GBP6: variants seen among roughly 807,000 people sequenced by gnomAD.
GBP6 encodes the protein guanylate-binding protein 6.
Under a neutral mutation model 61.5 loss-of-function variants are expected in GBP6, and 54 were observed. That is an observed-to-expected ratio of 0.88 (90% CI 0.71 to 1.10). GBP6 has a LOEUF of 1.10. Ranked by LOEUF, GBP6 falls within the 50% of genes least tolerant of loss-of-function variation. The pLI, the probability that GBP6 is intolerant of heterozygous loss-of-function variation, is 0.00. For missense variants in GBP6, 748 were observed against 752.8 expected (o/e 0.99, Z 0.07); for synonymous variants, 255 against 273.7 (o/e 0.93, Z 0.67).
chr1:89,378,045 T>C (rs531234943), intron 3 of GBP6, 58 bp from the exon 4 acceptor site: 46 of 1,442,882 alleles, frequency 3.2e-5, no homozygotes, highest in Admixed American at 6.0e-5. Flanking sequence ...AAAATAAATG[T>C]CTCAGTGAAT....
Position 89,387,587 on chromosome 1 carries a change from G to A in GBP6, c.*2118G>A, listed in dbSNP as rs953250748. On this transcript the variant is annotated 3_prime_UTR_variant, in exon 11 of 11. Coordinates refer to ENST00000370456, the MANE Select transcript of GBP6 (RefSeq NM_198460.3). ...TATCATGAACTTTCCAGAGATCAGT[G>A]GTAATAAGTTGTTTGAATTTTCGAC... is the stretch of plus-strand genomic sequence containing the variant. Among the ~76,000 whole-genome samples, 1 of 152,148 alleles carries A rather than the reference G, an allele frequency of 6.6e-6. No homozygotes were observed. Among genetic ancestry groups the A allele is most frequent in the Non-Finnish European group, 1.5e-5 (1 of 68,026 alleles).
chr1:89,366,532 A>G (rs1652472073), intron 1 of GBP6, among the ~76,000 whole-genome samples: 1 of 152,160 alleles, frequency 6.6e-6, no homozygotes, highest in Non-Finnish European at 1.5e-5. Context: ...TCAGTATATG[A>G]TGATCATTAA....
rs1412235920 is a variant in GBP6, at chr1:89,386,172, A to G, written c.*703A>G. The G allele has an allele frequency of 6.6e-6, 1 of 152,186 alleles. No individual in the cohort carries two copies. Among genetic ancestry groups the G allele is most frequent in the East Asian group, 1.9e-4 (1 of 5,202 alleles). 9.4% of individuals were successfully genotyped at this position (152,186 alleles called of 1,614,324 possible). A position where few individuals can be genotyped will look rare whatever the true frequency, so the allele number is the denominator to read the frequency against. ...AGAGACATTGTAAAATGAAAAAAAA[A>G]AAAACCAAGTTGTAAAGCAATGTAG... On this transcript the variant is annotated 3_prime_UTR_variant, in exon 11 of 11. Coordinates refer to ENST00000370456, the MANE Select transcript of GBP6 (RefSeq NM_198460.3).
At chr1:89,373,436 C>T (rs866088399) in intron 3 of GBP6, among the ~76,000 whole-genome samples, 4 of 152,218 alleles carry the variant, frequency 2.6e-5, no homozygotes, top group African/African-American at 9.6e-5. Flanking sequence ...CAGTGATAGA[C>T]TGGATTAAGA....
At chr1:89,371,273 C>T (rs1350478231) in intron 3 of GBP6, among the ~76,000 whole-genome samples, 1 of 152,070 alleles carries the variant, frequency 6.6e-6, no homozygotes, top group Non-Finnish European at 1.5e-5. Flanking sequence ...CTATTCCAAT[C>T]AATAGAAAAA....
chr1:89,368,817 G>A, intron 2 of GBP6, 76 bp downstream of exon 2: 2 of 1,367,168 alleles, frequency 1.5e-6, no homozygotes, highest in Non-Finnish European at 2.0e-6. Context: ...CTACCCCAGA[G>A]CACATGAAGG....
intron 8 of GBP6, 52 bp from the exon 9 acceptor site, chr1:89,383,600 C>A: frequency 7.8e-7 from 1 of 1,285,582 alleles, no homozygotes; most frequent in Non-Finnish European, 1.1e-6. Flanking sequence ...AACACTAATA[C>A]CCAGAACATA....
chr1:89,380,306 T>C (rs114499864), intron 5 of GBP6, 80 bp from the exon 6 acceptor site: 1 of 1,292,472 alleles, frequency 7.7e-7, no homozygotes, highest in Non-Finnish European at 1.1e-6. Flanking sequence ...AAAAAGACAA[T>C]ACACCCTATC....
chr1:89,384,066 T>C (rs1429110587), intron 9 of GBP6, 27 bp from the exon 10 acceptor site: 1 of 1,562,964 alleles, frequency 6.4e-7, no homozygotes, highest in South Asian at 1.2e-5. Context: ...ATTATTTTCT[T>C]CTCTTTCTAA....
intron 6 of GBP6, 107 bp downstream of exon 6, chr1:89,380,738 T>A: frequency 1.0e-6 from 1 of 975,890 alleles, no homozygotes; most frequent in Non-Finnish European, 1.5e-6. Flanking sequence ...ACTACGTGTA[T>A]ACAGGTATTC....
In GBP6 at chr1:89,376,252, A is replaced by G. The variant is rs542513207; in HGVS notation, c.319-1851A>G. The stretch of plus-strand genomic sequence containing the variant: ...CTTGGCTATTGTGAATAGTACAGCA[A>G]TAAATATAAAAGAACAGATATCTCT... On this transcript the variant is annotated intron_variant, in intron 3 of 10. Transcript: ENST00000370456. Among the ~76,000 whole-genome samples the G allele has an allele frequency of 7.2e-5, 11 of 152,364 alleles. No homozygotes were observed. The South Asian group carries it at 2.3e-3, about 32-fold the overall frequency.
chr1:89,375,671 T>C (rs1026815237), intron 3 of GBP6, among the ~76,000 whole-genome samples: 3 of 152,172 alleles, frequency 2.0e-5, no homozygotes, highest in Non-Finnish European at 4.4e-5. Context: ...ATCAAATATA[T>C]GGTTTGCAAA....
Position 89,381,742 on chromosome 1 carries a change from C to G in GBP6, c.920C>G (p.Ala307Gly). ...TATGTAGAGGCCATCAACAGTGGAG[C>G]AGTGCCTTGTCTGGAGAATGCAGTG... ...VTYVEAINSG[A>G]VPCLENAVIT... is the part of the protein sequence containing the mutation. The change falls in exon 7 of 11, where the codon GCA becomes GGA. Residue 307 changes from alanine to glycine, a missense_variant. Coordinates refer to ENST00000370456, the MANE Select transcript of GBP6 (RefSeq NM_198460.3). 3.7e-6 allele frequency: 6 copies of G among 1,614,118 alleles called. No homozygotes were observed. Among genetic ancestry groups the G allele is most frequent in the African/African-American group, 1.3e-5 (1 of 75,050 alleles).
At chr1:89,383,963 T>C (rs559626307) in intron 9 of GBP6, 130 bp from the exon 10 acceptor site, 293 of 975,556 alleles carry the variant, frequency 3.0e-4, no homozygotes, top group Middle Eastern at 2.3e-3. Context: ...GCGCTCTTAA[T>C]GGTGTGGACC....
intron 3 of GBP6, among the ~76,000 whole-genome samples, chr1:89,376,383 T>C (rs1652809041): frequency 6.6e-6 from 1 of 152,236 alleles, no homozygotes; most frequent in East Asian, 1.9e-4. Context: ...CAGTTGTTTT[T>C]GTGTATGGTG....
At chr1:89,380,854 GA>G (rs1652957571) in intron 6 of GBP6, among the ~76,000 whole-genome samples, 1 of 151,912 alleles carries the variant, frequency 6.6e-6, no homozygotes, top group Non-Finnish European at 1.5e-5. Flanking sequence ...CCACATATCT[GA>G]AAAAAATCCC....
chr1:89,367,921 C>T (rs993683708), intron 1 of GBP6, among the ~76,000 whole-genome samples: 2 of 152,176 alleles, frequency 1.3e-5, no homozygotes, highest in African/African-American at 4.8e-5. Context: ...AACAAAATGC[C>T]ATGAAATCGC....
chr1:89,374,613 G>A (rs952769970), intron 3 of GBP6, among the ~76,000 whole-genome samples: 4 of 152,044 alleles, frequency 2.6e-5, no homozygotes, highest in Non-Finnish European at 2.9e-5. Context: ...TTTGGTAATA[G>A]CCATCTTAAA....
At chr1:89,365,840 T>C (rs1489653488) in intron 1 of GBP6, among the ~76,000 whole-genome samples, 1 of 152,232 alleles carries the variant, frequency 6.6e-6, no homozygotes, top group African/African-American at 2.4e-5. Context: ...TAGTGAATGA[T>C]AGAGCTGGTA....
Sources: allele counts gnomAD v4.1 joint callset (sites outside exome capture counted in the v4.1 genomes callset), GRCh38; gene constraint gnomAD v4.1.1; transcripts MANE v1.5; gene names NCBI Gene and HGNC (gene_info 2026-07-23, HGNC 2026-07-21).